TECPR1: variants seen among roughly 807,000 people sequenced by gnomAD.
The protein encoded by TECPR1 is tectonin beta-propeller repeat containing 1.
A neutral mutation model predicts 162.4 loss-of-function variants in TECPR1; 122 were observed. The ratio of observed to expected loss-of-function variants is 0.75; its 90% CI spans 0.65 to 0.87. The LOEUF is 0.87. TECPR1 is among the 40% of genes least tolerant of loss of function. The pLI, the probability that TECPR1 is intolerant of heterozygous loss-of-function variation, is 0.00. For missense variants in TECPR1, 1,432 were observed against 1,618.2 expected (o/e 0.88, Z 1.97); for synonymous variants, 642 against 670.6 (o/e 0.96, Z 0.66).
At position 98,244,759 on chromosome 7, in the gene TECPR1, G is replaced by C. The variant is rs548321047; in HGVS notation, c.409-66C>G. 1.4e-5 allele frequency: 22 copies of C among 1,582,460 alleles called. No individual in the cohort carries two copies. The African/African-American group carries it at 2.8e-4, about 20-fold the overall frequency. On this transcript the variant is annotated intron_variant, in intron 4 of 25. Coordinates refer to ENST00000447648, the MANE Select transcript of TECPR1 (RefSeq NM_015395.3). ...GGCATTTGAAGAGCTGGGGAAGGTG[G>C]GGAGGGAGGGTGTGGCCTGAAACAC...
At position 98,231,825 on chromosome 7, in the gene TECPR1, A is replaced by G. The variant is rs750825671; in HGVS notation, c.1953T>C (p.Tyr651=). 6.2e-7 allele frequency: 1 copy of G among 1,612,450 alleles called. No individual in the cohort carries two copies. Among genetic ancestry groups the G allele is most frequent in the South Asian group, 1.1e-5 (1 of 91,026 alleles). The part of the protein sequence containing the change: ...GVRDSILFIY[Y]VVHEEKKYIH... ...GCACCTTCTTCTCCTCGTGGACCAC[A>G]TAGTAGATGAAGAGGATGCTGTCCC... The change falls in exon 13 of 26, where the codon TAT becomes TAC. Residue 651 remains tyrosine, a synonymous_variant. Transcript: ENST00000447648.
In TECPR1 at chr7:98,217,700, C is replaced by T. The variant is rs1455889034; in HGVS notation, c.3376G>A (p.Gly1126Ser). The change falls in exon 25 of 26, where the codon GGC becomes AGC. Residue 1126 changes from glycine (G) to serine (S), a missense_variant. Physicochemically the swap from Gly to Ser is moderately conservative, Grantham distance 56 (BLOSUM62 0). Transcript: ENST00000447648. Reference sequence around the variant, plus strand: ...CCGCGGGCCCCGCTCACCCCGATGCCGTAGTCCCAGCCGTGGCCCTTGGGC... The same window carrying T: ...CCGCGGGCCCCGCTCACCCCGATGCTGTAGTCCCAGCCGTGGCCCTTGGGC... ...HEPKGHGWDY[G>S]IGGGWDHISV... 4 of 1,545,002 alleles carry T rather than the reference C, an allele frequency of 2.6e-6. No individual in the cohort carries two copies. The highest frequency in any genetic ancestry group is 1.4e-5 in the African/African-American group (1 of 73,074).
intron 10 of TECPR1, among the ~76,000 whole-genome samples, chr7:98,234,705 C>CTTTTTTTTTT (rs34332931): frequency 1.4e-5 from 1 of 73,508 alleles, no homozygotes; most frequent in African/African-American, 5.5e-5. Context: ...TTGTTATTGT[C>CTTTTTTTTTT]TTTTTTTTTT....
chr7:98,246,048 C>A lies in TECPR1; in HGVS notation c.99G>T (p.Leu33=). 1 of 1,580,920 alleles carries A rather than the reference C, an allele frequency of 6.3e-7. No individual in the cohort carries two copies. ...QYWEMCKDSQ[L]EFKRVSATTQ... ...TGGTGGCGCTGACGCGCTTGAACTC[C>A]AGCTGGGAGTCCTTGCACATTTCCC... The change falls in exon 3 of 26, where the codon CTG becomes CTT. Residue 33 remains leucine (L), a synonymous_variant. Transcript: ENST00000447648.
intron 6 of TECPR1, among the ~76,000 whole-genome samples, chr7:98,242,794 TCCAC>T (rs1562943709): frequency 1.8e-4 from 7 of 38,642 alleles, no homozygotes; most frequent in Admixed American, 3.4e-4. Flanking sequence ...CATCCATCCA[TCCAC>T]CCATCCATCC....
intron 10 of TECPR1, among the ~76,000 whole-genome samples, chr7:98,235,849 A>AAAAAAAAAAAAAAAAAAAACAC: frequency 9.1e-5 from 10 of 110,312 alleles, no homozygotes; most frequent in African/African-American, 3.1e-4. Flanking sequence ...AAAAAAAAAA[A>AAAAAAAAAAAAAAAAAAAACAC]AACACCATCT....
At position 98,241,317 on chromosome 7, in the gene TECPR1, G is replaced by A. The variant is rs754448154; in HGVS notation, c.658-73C>T. 38 of 1,567,976 alleles carry A rather than the reference G, an allele frequency of 2.4e-5. No homozygotes were observed. The highest frequency in any genetic ancestry group is 3.1e-5 in the Non-Finnish European group (36 of 1,147,784). On this transcript the variant is annotated intron_variant, in intron 6 of 25. Coordinates refer to ENST00000447648, the MANE Select transcript of TECPR1 (RefSeq NM_015395.3). The surrounding 1 kb of genome is among the most constrained non-coding windows in gnomAD (Gnocchi z 5.0). ...CAGCCAAGCACGGGGGTCTCGGTGTGGTAGGGGGTAGGACCCATGTCCCCT... is the reference window on the plus strand; with the variant it reads ...CAGCCAAGCACGGGGGTCTCGGTGTAGTAGGGGGTAGGACCCATGTCCCCT...
At chr7:98,235,522 C>CT (rs1554401375) in intron 10 of TECPR1, among the ~76,000 whole-genome samples, 141 of 14,050 alleles carry the variant, frequency 0.01, no homozygotes, top group African/African-American at 0.025. Context: ...GAGACTCCGT[C>CT]TAAAAAAAAA....
intron 23 of TECPR1, among the ~76,000 whole-genome samples, chr7:98,219,901 C>CA: frequency 6.6e-6 from 1 of 150,954 alleles, no homozygotes; most frequent in South Asian, 2.1e-4. Context: ...AACTCCATCT[C>CA]AAATTAAAAA....
intron 16 of TECPR1, chr7:98,228,460 G>C (rs1798335058): frequency 3.3e-6 from 1 of 304,422 alleles, no homozygotes; most frequent in African/African-American, 2.1e-5. Context: ...GTGTTACAAA[G>C]GCACCTGGGA....
At chr7:98,236,399 C>T (rs1798600902) in intron 10 of TECPR1, among the ~76,000 whole-genome samples, 1 of 152,146 alleles carries the variant, frequency 6.6e-6, no homozygotes, top group Non-Finnish European at 1.5e-5. Flanking sequence ...AGGGCCTTTA[C>T]TTCCACCCCA....
intron 17 of TECPR1, among the ~76,000 whole-genome samples, chr7:98,226,299 T>G (rs571159972): frequency 6.6e-6 from 1 of 152,340 alleles, no homozygotes; most frequent in East Asian, 1.9e-4. Flanking sequence ...TCAAATCCCC[T>G]GATTTACTGG....
Position 98,232,494 on chromosome 7 carries a change from C to A in TECPR1, c.1818+333G>T, listed in dbSNP as rs528735466. Among the ~76,000 whole-genome samples, 67 of 152,034 alleles carry A rather than the reference C, an allele frequency of 4.4e-4. No homozygotes were observed. The highest frequency in any genetic ancestry group is 1.6e-3 in the African/African-American group (65 of 41,500). On this transcript the variant is annotated intron_variant, in intron 12 of 25. Transcript: ENST00000447648. The surrounding 1 kb of genome is among the most constrained non-coding windows in gnomAD (Gnocchi z 4.6). ...TAACTCCTTGCAATCACACGCTACACCCCTGGGCGCCCGGGGTTCCCTCCA... is the reference window on the plus strand; with the variant it reads ...TAACTCCTTGCAATCACACGCTACAACCCTGGGCGCCCGGGGTTCCCTCCA...
intron 3 of TECPR1, among the ~76,000 whole-genome samples, chr7:98,245,383 C>T (rs538880572): frequency 5.3e-4 from 80 of 152,354 alleles, no homozygotes; most frequent in Non-Finnish European, 8.2e-4. Context: ...AGCCTGCCCT[C>T]GTGGGGACCT....
chr7:98,251,889 T>C (rs918372257), intron 1 of TECPR1: 1 of 152,246 alleles, frequency 6.6e-6, no homozygotes, highest in Non-Finnish European at 1.5e-5. Context: ...AAGGCTGGAA[T>C]GGGGGCGTCA....
chr7:98,234,157 T>C (rs1042179682), intron 10 of TECPR1, among the ~76,000 whole-genome samples: 2 of 152,162 alleles, frequency 1.3e-5, no homozygotes, highest in African/African-American at 2.4e-5. Context: ...CTAGAATTAG[T>C]ATTTCTTCTT....
Position 98,241,023 on chromosome 7 carries a change from C to T in TECPR1, c.832+47G>A. 6.3e-7 allele frequency: 1 copy of T among 1,588,604 alleles called. No homozygotes were observed. Among genetic ancestry groups the T allele is most frequent in the Non-Finnish European group, 8.6e-7 (1 of 1,168,022 alleles). ...AGCTGGGGAGCGAGTGACCCTCACC[C>T]TTCTCCCCAGTACAGGGTATGTGGG... On this transcript the variant is annotated intron_variant, in intron 7 of 25. Transcript: ENST00000447648. This position sits in a 1 kb window ranked among gnomAD's most constrained non-coding sequence, Gnocchi z 5.0.
rs889210803 is a variant in TECPR1 at position 98,216,945 on chromosome 7, G to A, written c.*445C>T. On this transcript the variant is annotated 3_prime_UTR_variant, in exon 26 of 26. Coordinates refer to ENST00000447648, the MANE Select transcript of TECPR1 (RefSeq NM_015395.3). ...TCACTGCACATGGTAAAGAGGCCCT[G>A]AGCCCCATGGCCATCTCTCTTGGTG... The A allele has an allele frequency of 1.2e-5, 2 of 169,004 alleles. No individual in the cohort carries two copies. The highest frequency in any genetic ancestry group is 1.3e-5 in the Non-Finnish European group (1 of 78,108). The allele number at this position is 169,004 out of a possible 1,614,324, so 10.5% of individuals were successfully genotyped here.
Position 98,231,860 on chromosome 7 carries a change from C to G in TECPR1, c.1918G>C (p.Asp640His). The G allele has an allele frequency of 1.2e-6, 2 of 1,612,820 alleles. No individual in the cohort carries two copies. The highest frequency in any genetic ancestry group is 1.7e-6 in the Non-Finnish European group (2 of 1,179,818). Residue 640 changes from aspartate (D) to histidine (H), a missense_variant, in exon 13 of 26, where the codon GAC becomes CAC. Physicochemically the swap from Asp to His is moderately conservative, Grantham distance 81 (BLOSUM62 -1). Coordinates refer to ENST00000447648, the MANE Select transcript of TECPR1 (RefSeq NM_015395.3). Reference sequence around the variant, plus strand: ...AAGAGGATGCTGTCCCGGACGCCGTCGTGCCCCGTGAACTGCTCCAGGGCC... The same window carrying G: ...AAGAGGATGCTGTCCCGGACGCCGTGGTGCCCCGTGAACTGCTCCAGGGCC... ...RLALEQFTGH[D>H]GVRDSILFIY...
Sources: allele counts gnomAD v4.1 joint callset (sites outside exome capture counted in the v4.1 genomes callset), GRCh38; gene constraint gnomAD v4.1.1; non-coding constraint Gnocchi (gnomAD v3.1); transcripts MANE v1.5; gene names NCBI Gene and HGNC (gene_info 2026-07-23, HGNC 2026-07-21).